CACNB4: variants seen among roughly 807,000 people sequenced by gnomAD.
CACNB4 encodes calcium voltage-gated channel auxiliary subunit beta 4, also known as voltage-dependent L-type calcium channel subunit beta-4.
In CACNB4, 32 loss-of-function variants were observed where a neutral mutation model predicts 71.2. That is an observed-to-expected ratio of 0.45 (90% CI 0.34 to 0.60). The LOEUF (loss-of-function observed/expected upper bound fraction) is 0.60, where lower values mean the gene tolerates loss of function less well. CACNB4 is among the 20% of genes least tolerant of loss of function. The pLI, the probability that CACNB4 is intolerant of heterozygous loss-of-function variation, is 0.01. For synonymous variants in CACNB4, 231 were observed against 236.9 expected (o/e 0.97, Z 0.23); for missense variants, 464 against 647.9 (o/e 0.72, Z 3.08).
At chr2:151,911,434 G>A (rs892456259) in intron 2 of CACNB4, among the ~76,000 whole-genome samples, 13 of 152,204 alleles carry the variant, frequency 8.5e-5, no homozygotes, top group Middle Eastern at 3.4e-3. Flanking sequence ...TATTGGCTGC[G>A]GGTTTGTTAT....
At chr2:151,935,361 C>T (rs1469789030) in intron 2 of CACNB4, among the ~76,000 whole-genome samples, 2 of 152,214 alleles carry the variant, frequency 1.3e-5, no homozygotes, top group Admixed American at 1.3e-4. Context: ...TCCTATTACA[C>T]TTATATACCA....
chr2:151,865,248 T>C (rs140383573), intron 9 of CACNB4, among the ~76,000 whole-genome samples: 3 of 152,376 alleles, frequency 2.0e-5, no homozygotes, highest in Admixed American at 6.5e-5. Context: ...TTTTTATTAA[T>C]AAATACTATC....
At chr2:151,865,371 C>A (rs918706791) in intron 9 of CACNB4, among the ~76,000 whole-genome samples, 1 of 152,180 alleles carries the variant, frequency 6.6e-6, no homozygotes, top group Non-Finnish European at 1.5e-5. Context: ...AGCTTGAGAT[C>A]CTATCTGTGT....
chr2:151,895,364 G>T (rs2099851794), intron 2 of CACNB4, among the ~76,000 whole-genome samples: 1 of 152,078 alleles, frequency 6.6e-6, no homozygotes, highest in South Asian at 2.1e-4. Context: ...CTACTCTGGA[G>T]TCTAAGACAA....
intron 2 of CACNB4, among the ~76,000 whole-genome samples, chr2:151,901,495 T>C (rs552647420): frequency 2.0e-5 from 3 of 152,268 alleles, no homozygotes; most frequent in Admixed American, 2.0e-4. Context: ...GAAAGGTTCT[T>C]CACCAATTTT....
At chr2:152,020,756 A>T (rs1683615685) in intron 2 of CACNB4, among the ~76,000 whole-genome samples, 1 of 152,194 alleles carries the variant, frequency 6.6e-6, no homozygotes, top group Non-Finnish European at 1.5e-5. Context: ...GAGCACACCC[A>T]GAGGAGGAAG....
intron 12 of CACNB4, among the ~76,000 whole-genome samples, chr2:151,849,545 G>A (rs1433522962): frequency 6.6e-6 from 1 of 152,126 alleles, no homozygotes; most frequent in African/African-American, 2.4e-5. Flanking sequence ...TGAGTAGCTG[G>A]GACTACAGGC....
At chr2:152,064,809 C>T (rs983160892) in intron 2 of CACNB4, among the ~76,000 whole-genome samples, 2 of 152,094 alleles carry the variant, frequency 1.3e-5, no homozygotes, top group African/African-American at 4.8e-5. Context: ...CAAAATATAT[C>T]CGGGCAAAGA....
In CACNB4 at chr2:151,853,514, T is replaced by C. The variant is rs775894960; in HGVS notation, c.1050A>G (p.Gly350=). 1 of 1,598,278 alleles carries C rather than the reference T, an allele frequency of 6.3e-7. No homozygotes were observed. The highest frequency in any genetic ancestry group is 1.7e-5 in the Admixed American group (1 of 57,576). ...KVLQRLIKSR[G]KSQSKHLNVQ... ...CATTCAAGTGTTTACTTTGTGACTT[T>C]CCTCTAGATTTAATCAACCGCTGTA... The change falls in exon 12 of 14, where the codon GGA becomes GGG. Residue 350 remains glycine, a synonymous_variant. Coordinates refer to ENST00000539935, the MANE Select transcript of CACNB4 (RefSeq NM_000726.5).
intron 2 of CACNB4, among the ~76,000 whole-genome samples, chr2:151,976,452 T>G (rs969923354): frequency 1.3e-5 from 2 of 152,220 alleles, no homozygotes; most frequent in African/African-American, 4.8e-5. Context: ...GTCACTTTTT[T>G]GGGGAAATTC....
intron 2 of CACNB4, among the ~76,000 whole-genome samples, chr2:152,014,532 A>C (rs1683235718): frequency 6.6e-6 from 1 of 151,878 alleles, no homozygotes; most frequent in South Asian, 2.1e-4. Context: ...GGAGTTCGAG[A>C]CCAGCCTGGC....
chr2:151,924,161 C>T (rs2151581457), intron 2 of CACNB4, among the ~76,000 whole-genome samples: 1 of 137,072 alleles, frequency 7.3e-6, no homozygotes, highest in East Asian at 2.1e-4. Context: ...TCACTGCTAG[C>T]TCCACCTCCC....
At chr2:152,060,401 A>G (rs1488917633) in intron 2 of CACNB4, among the ~76,000 whole-genome samples, 2 of 152,248 alleles carry the variant, frequency 1.3e-5, no homozygotes, top group East Asian at 3.8e-4. Flanking sequence ...ACTATGCTAT[A>G]ATGAGGTCTT....
rs1013703365 is a variant in CACNB4 at position 151,983,687 on chromosome 2, A to T, written c.148-100317T>A. On this transcript the variant is annotated intron_variant, in intron 2 of 13. Coordinates refer to ENST00000539935, the MANE Select transcript of CACNB4 (RefSeq NM_000726.5). ...CCATAAACTTTGGTCACACACACAC[A>T]CACACACACACACACACACACACAC... 4.6e-5 allele frequency among the ~76,000 whole-genome samples: 7 copies of T among 151,560 alleles called. No individual in the cohort carries two copies. In the East Asian group the frequency reaches 7.7e-4, roughly 17 times the overall value.
chr2:151,870,273 G>T, intron 8 of CACNB4: 1 of 702,992 alleles, frequency 1.4e-6, no homozygotes, highest in South Asian at 1.5e-5. Flanking sequence ...GCAAATCTTT[G>T]ACCAGATCTT....
intron 2 of CACNB4, among the ~76,000 whole-genome samples, chr2:151,929,011 T>C (rs2099860970): frequency 6.6e-6 from 1 of 152,194 alleles, no homozygotes; most frequent in African/African-American, 2.4e-5. Context: ...TTCAGTAAGC[T>C]GGCTTTGGTC....
intron 2 of CACNB4, chr2:151,973,907 C>G: frequency 7.2e-7 from 1 of 1,397,966 alleles, no homozygotes. Flanking sequence ...CAGTCCAGAC[C>G]TGGCATTTTA....
At chr2:152,059,491 G>A (rs1206050385) in intron 2 of CACNB4, among the ~76,000 whole-genome samples, 1 of 152,228 alleles carries the variant, frequency 6.6e-6, no homozygotes, top group Non-Finnish European at 1.5e-5. Context: ...CTGCCCTGTG[G>A]GATTTTGGAT....
At chr2:151,997,319 G>A (rs1682106582) in intron 2 of CACNB4, among the ~76,000 whole-genome samples, 1 of 152,154 alleles carries the variant, frequency 6.6e-6, no homozygotes, top group South Asian at 2.1e-4. Flanking sequence ...CGGATCACGA[G>A]GTCAGGAGAT....
Sources: gnomAD v4.1 joint callset for allele counts (sites outside exome capture counted in the v4.1 genomes callset) on GRCh38, gnomAD v4.1.1 for gene constraint, MANE v1.5 for transcripts, NCBI Gene and HGNC (gene_info 2026-07-23, HGNC 2026-07-21) for gene names.